The following RGS20 variants were observed in gnomAD, a reference collection of about 807,000 sequenced individuals.
RGS20 encodes regulator of G protein signaling 20, also known as gz-selective GTPase-activating protein.
A neutral mutation model predicts 33.6 loss-of-function variants in RGS20; 30 were observed. The observed-to-expected ratio is 0.89, with a 90% CI of 0.67 to 1.21. RGS20 has a LOEUF of 1.21. Ranked by LOEUF, RGS20 falls within the 50% of genes most tolerant of loss-of-function variation. The pLI, the probability that RGS20 is intolerant of heterozygous loss-of-function variation, is 0.00. For synonymous variants in RGS20, 208 were observed against 197.9 expected (o/e 1.05, Z -0.43); for missense variants, 472 against 502.4 (o/e 0.94, Z 0.58).
intron 1 of RGS20, among the ~76,000 whole-genome samples, chr8:53,875,656 C>T (rs868538760): frequency 1.6e-4 from 25 of 152,118 alleles, no homozygotes; most frequent in African/African-American, 5.6e-4. Flanking sequence ...TCCAGCCCCT[C>T]CTCCCTCGTT....
intron 2 of RGS20, among the ~76,000 whole-genome samples, chr8:53,938,377 C>T (rs1814195580): frequency 6.6e-6 from 1 of 152,100 alleles, no homozygotes; most frequent in African/African-American, 2.4e-5. Flanking sequence ...ACACTGGGGC[C>T]TGTCAGTGGA....
chr8:53,867,601 T>C (rs867988153), intron 1 of RGS20, among the ~76,000 whole-genome samples: 1 of 152,208 alleles, frequency 6.6e-6, no homozygotes, highest in African/African-American at 2.4e-5. Flanking sequence ...TAATGCCCTG[T>C]TGGTATCTAA....
chr8:53,935,488 T>C (rs1458578489), intron 2 of RGS20, among the ~76,000 whole-genome samples: 2 of 152,034 alleles, frequency 1.3e-5, no homozygotes, highest in African/African-American at 4.8e-5. Context: ...TCTACACAAA[T>C]AAACTAGAAA....
Position 53,958,365 on chromosome 8 carries a change from C to G in RGS20, c.1074C>G (p.Thr358=), listed in dbSNP as rs1814936326. The G allele has an allele frequency of 1.2e-6, 2 of 1,613,542 alleles. No homozygotes were observed. Among genetic ancestry groups the G allele is most frequent in the Non-Finnish European group, 1.7e-6 (2 of 1,179,662 alleles). Residue 358 remains threonine, a synonymous_variant, in exon 6 of 6, where the codon ACC becomes ACG. Transcript: ENST00000297313. ...ATGATGCTCAACTTCAGATTTACAC[C>G]CTGATGCACAGAGACTCATATCCTC...
At chr8:53,953,544 G>A (rs1316341535) in intron 4 of RGS20, among the ~76,000 whole-genome samples, 5 of 151,208 alleles carry the variant, frequency 3.3e-5, no homozygotes, top group Non-Finnish European at 7.4e-5. Context: ...TGTTCATTTT[G>A]TTGTCACCTT....
In RGS20 at chr8:53,879,533, G is replaced by T. The variant is rs746579752; in HGVS notation, c.441G>T (p.Leu147=). The change falls in exon 2 of 6, where the codon CTG becomes CTT. Residue 147 remains leucine, a synonymous_variant. Transcript: ENST00000297313. ...GCCGACCCTCGGGGGGTCGTCCGCT[G>T]AGGCCCCCCCATCCGGTAGCCAAGC... 9.5e-5 allele frequency: 147 copies of T among 1,542,280 alleles called. No individual in the cohort carries two copies. Among genetic ancestry groups the T allele is most frequent in the Non-Finnish European group, 1.2e-4 (138 of 1,145,112 alleles).
intron 1 of RGS20, among the ~76,000 whole-genome samples, chr8:53,857,408 T>C (rs952850890): frequency 2.0e-5 from 3 of 152,190 alleles, no homozygotes; most frequent in African/African-American, 7.2e-5. Flanking sequence ...ACCTTGGGTA[T>C]GCTCTTTGGG....
At chr8:53,881,227 T>A in intron 2 of RGS20, 143 bp downstream of exon 1, 3 of 606,726 alleles carry the variant, frequency 4.9e-6, no homozygotes, top group Non-Finnish European at 7.9e-6. Context: ...CGGGAGCCGG[T>A]GCGAGTCGGG....
At chr8:53,882,005 T>C (rs1458901504) in intron 2 of RGS20, among the ~76,000 whole-genome samples, 1 of 148,824 alleles carries the variant, frequency 6.7e-6, no homozygotes, top group East Asian at 2.0e-4. Flanking sequence ...CCTCCAGCGC[T>C]GGGGGAGCGG....
chr8:53,886,675 G>T (rs1458405054), intron 2 of RGS20, among the ~76,000 whole-genome samples: 1 of 152,222 alleles, frequency 6.6e-6, no homozygotes, highest in Non-Finnish European at 1.5e-5. Context: ...CAACAGTGAA[G>T]GAGTGGAGAA....
intron 3 of RGS20, among the ~76,000 whole-genome samples, chr8:53,942,280 AT>A (rs1176403272): frequency 6.6e-6 from 1 of 152,090 alleles, no homozygotes; most frequent in Non-Finnish European, 1.5e-5. Flanking sequence ...TCTCAAAAAA[AT>A]AAATAAATAA....
intron 2 of RGS20, among the ~76,000 whole-genome samples, chr8:53,909,209 G>GTGTATGTA (rs1242600309): frequency 6.6e-4 from 29 of 43,724 alleles, no homozygotes; most frequent in African/African-American, 3.0e-3. Context: ...TGGTATGTGT[G>GTGTATGTA]TATATATATA....
intron 1 of RGS20, among the ~76,000 whole-genome samples, chr8:53,868,558 G>A (rs1811972993): frequency 6.6e-6 from 1 of 151,842 alleles, no homozygotes; most frequent in South Asian, 2.1e-4. Context: ...GTATACCTCA[G>A]GGTAAAAAAA....
intron 1 of RGS20, among the ~76,000 whole-genome samples, chr8:53,866,866 G>A (rs553693307): frequency 3.3e-5 from 5 of 152,124 alleles, no homozygotes; most frequent in South Asian, 2.1e-4. Flanking sequence ...GTTGGCTCTC[G>A]CTGGGGATTA....
At chr8:53,908,819 A>C (rs1265206146) in intron 2 of RGS20, among the ~76,000 whole-genome samples, 2 of 152,150 alleles carry the variant, frequency 1.3e-5, no homozygotes, top group East Asian at 3.9e-4. Flanking sequence ...AAATAAATAA[A>C]TAAACAAACT....
At chr8:53,918,785 T>C (rs916794599) in intron 2 of RGS20, among the ~76,000 whole-genome samples, 1 of 152,202 alleles carries the variant, frequency 6.6e-6, no homozygotes, top group East Asian at 1.9e-4. Context: ...TATGGACATA[T>C]CATATTTTGT....
intron 3 of RGS20, among the ~76,000 whole-genome samples, chr8:53,940,288 A>G (rs1357388697): frequency 6.6e-6 from 1 of 152,250 alleles, no homozygotes; most frequent in Admixed American, 6.5e-5. Context: ...ACTTGAATGT[A>G]AAACATCTGT....
intron 4 of RGS20, among the ~76,000 whole-genome samples, chr8:53,947,401 A>T (rs1300845450): frequency 5.2e-5 from 6 of 114,296 alleles, no homozygotes; most frequent in African/African-American, 1.0e-4. Context: ...GCTATATATA[A>T]GATATAGTAC....
intron 2 of RGS20, among the ~76,000 whole-genome samples, chr8:53,882,503 A>C (rs1047315554): frequency 6.6e-6 from 1 of 152,148 alleles, no homozygotes; most frequent in Non-Finnish European, 1.5e-5. Context: ...GGAGTGGAGA[A>C]GTGAACGTGG....
Sources: gnomAD v4.1 joint callset for allele counts (sites outside exome capture counted in the v4.1 genomes callset) on GRCh38, gnomAD v4.1.1 for gene constraint, MANE v1.5 for transcripts, NCBI Gene and HGNC (gene_info 2026-07-23, HGNC 2026-07-21) for gene names.